The following SUPT3H variants were observed in gnomAD, a reference collection of about 807,000 sequenced individuals.
The protein encoded by SUPT3H is SPT3 homolog, SAGA and STAGA complex component.
SUPT3H carries 44 observed loss-of-function variants against 44.3 expected under a neutral mutation model. The observed-to-expected ratio is 0.99, with a 90% CI of 0.78 to 1.28. SUPT3H has a LOEUF of 1.28. Among genes scored for constraint, SUPT3H ranks in the 50% most tolerant of loss-of-function variants. SUPT3H has a pLI of 0.00. For synonymous variants in SUPT3H, 124 were observed against 125.6 expected, an observed-to-expected ratio of 0.99 and a Z score of 0.09; for missense variants, 380 against 387.1, an observed-to-expected ratio of 0.98 and a Z score of 0.15.
intron 2 of SUPT3H, among the ~76,000 whole-genome samples, chr6:45,230,229 T>C (rs78062048): frequency 0.015 from 2,272 of 152,294 alleles, 58 homozygotes; most frequent in African/African-American, 0.05. Context: ...GTTCTATCAA[T>C]GTCTGTTAAG....
chr6:45,295,333 A>G (rs921270753), intron 2 of SUPT3H, among the ~76,000 whole-genome samples: 1 of 152,126 alleles, frequency 6.6e-6, no homozygotes, highest in African/African-American at 2.4e-5. Context: ...TGTATACAAA[A>G]ATCAACTCAA....
At chr6:45,249,628 G>A (rs553438717) in intron 2 of SUPT3H, among the ~76,000 whole-genome samples, 10 of 152,210 alleles carry the variant, frequency 6.6e-5, no homozygotes, top group South Asian at 2.1e-4. Flanking sequence ...AGGGATCCAC[G>A]GTGGCACTGA....
Position 44,939,743 on chromosome 6 carries a change from G to C in SUPT3H, c.802-6980C>G, listed in dbSNP as rs538180683. Among the ~76,000 whole-genome samples the C allele has an allele frequency of 3.8e-4, 58 of 152,126 alleles. No homozygotes were observed. In the South Asian group the frequency reaches 4.4e-3, roughly 11 times the overall value. ...GATTCAATCTTGGTACTTGTTATTG[G>C]TCTATTCAGGATTTCTATTTCTTCT... On this transcript the variant is annotated intron_variant, in intron 9 of 10. Coordinates refer to ENST00000371459, the MANE Select transcript of SUPT3H (RefSeq NM_003599.4).
At chr6:45,045,579 C>A (rs2153532711) in intron 3 of SUPT3H, among the ~76,000 whole-genome samples, 1 of 152,288 alleles carries the variant, frequency 6.6e-6, no homozygotes, top group South Asian at 2.1e-4. Context: ...AATACAGAAT[C>A]ATGTCATCTG....
chr6:44,843,528 A>T (rs1212551422), intron 10 of SUPT3H, among the ~76,000 whole-genome samples: 1 of 152,194 alleles, frequency 6.6e-6, no homozygotes, highest in Non-Finnish European at 1.5e-5. Context: ...GGAACTAGAG[A>T]GTTTAGTAAG....
chr6:45,300,543 C>T (rs1263958958), intron 2 of SUPT3H, among the ~76,000 whole-genome samples: 1 of 152,106 alleles, frequency 6.6e-6, no homozygotes, highest in East Asian at 1.9e-4. Context: ...GTTAAATTAC[C>T]ATATGATGAG....
At chr6:45,306,262 C>A (rs2149959012) in intron 2 of SUPT3H, among the ~76,000 whole-genome samples, 1 of 152,316 alleles carries the variant, frequency 6.6e-6, no homozygotes, top group East Asian at 1.9e-4. Context: ...CATGCTCAGC[C>A]ACAACTTCCC....
At chr6:44,900,836 C>G (rs534110755) in intron 10 of SUPT3H, among the ~76,000 whole-genome samples, 2 of 152,282 alleles carry the variant, frequency 1.3e-5, no homozygotes, top group East Asian at 3.9e-4. Context: ...TCCAGAGGAA[C>G]GATCAGGCAG....
At chr6:45,104,847 C>T (rs904060997) in intron 3 of SUPT3H, among the ~76,000 whole-genome samples, 1 of 151,904 alleles carries the variant, frequency 6.6e-6, no homozygotes, top group Non-Finnish European at 1.5e-5. Flanking sequence ...TGCAGCTCTC[C>T]TTAACTTATA....
chr6:44,969,372 G>A (rs59343078), intron 6 of SUPT3H, among the ~76,000 whole-genome samples: 3,642 of 152,006 alleles, frequency 0.024, 147 homozygotes, highest in African/African-American at 0.082. Context: ...TGAAATTATA[G>A]GTAACTTTAA....
intron 2 of SUPT3H, among the ~76,000 whole-genome samples, chr6:45,330,528 A>T (rs1787257528): frequency 6.6e-6 from 1 of 151,988 alleles, no homozygotes; most frequent in Non-Finnish European, 1.5e-5. Context: ...CAGGAACAAC[A>T]CAAGTTTCAA....
intron 2 of SUPT3H, among the ~76,000 whole-genome samples, chr6:45,122,449 G>C (rs867875434): frequency 6.6e-6 from 1 of 151,972 alleles, no homozygotes; most frequent in Non-Finnish European, 1.5e-5. Flanking sequence ...AAGAAAAAAG[G>C]TTTTTAAATA....
chr6:45,267,631 T>C (rs1274456796), intron 2 of SUPT3H, among the ~76,000 whole-genome samples: 1 of 152,214 alleles, frequency 6.6e-6, no homozygotes, highest in Non-Finnish European at 1.5e-5. Flanking sequence ...TACGATAGAT[T>C]ACAATATACA....
intron 2 of SUPT3H, chr6:45,322,002 C>T (rs770017925): frequency 6.3e-4 from 404 of 638,646 alleles, no homozygotes; most frequent in Non-Finnish European, 8.3e-5. Flanking sequence ...TCCCAGTTCC[C>T]AAGAAGTTTT....
At chr6:44,869,745 C>T (rs1336362317) in intron 10 of SUPT3H, among the ~76,000 whole-genome samples, 1 of 152,136 alleles carries the variant, frequency 6.6e-6, no homozygotes, top group Non-Finnish European at 1.5e-5. Flanking sequence ...ATCTCATAAC[C>T]ACTAGTTAGG....
At chr6:45,042,083 T>C (rs1263690544) in intron 3 of SUPT3H, among the ~76,000 whole-genome samples, 1 of 152,212 alleles carries the variant, frequency 6.6e-6, no homozygotes, top group Non-Finnish European at 1.5e-5. Context: ...TTGAATTTAA[T>C]ATTATGAAAG....
chr6:45,071,407 C>T (rs956194303), intron 3 of SUPT3H, among the ~76,000 whole-genome samples: 50 of 151,888 alleles, frequency 3.3e-4, no homozygotes, highest in African/African-American at 1.2e-3. Flanking sequence ...TTTTTTGCCC[C>T]ATGATATCCA....
chr6:44,825,703 C>T (rs1441883726), downstream of SUPT3H, among the ~76,000 whole-genome samples: 1 of 151,924 alleles, frequency 6.6e-6, no homozygotes, highest in Non-Finnish European at 1.5e-5. Flanking sequence ...AATGCTGACA[C>T]AATACATCAT....
intron 10 of SUPT3H, among the ~76,000 whole-genome samples, chr6:44,927,830 G>A (rs372429582): frequency 2.0e-5 from 3 of 151,722 alleles, no homozygotes; most frequent in Non-Finnish European, 2.9e-5. Context: ...GTTTTTTTCC[G>A]GGCTTATAGA....
Sources: gnomAD v4.1 joint callset for allele counts (sites outside exome capture counted in the v4.1 genomes callset) on GRCh38, gnomAD v4.1.1 for gene constraint, MANE v1.5 for transcripts, NCBI Gene and HGNC (gene_info 2026-07-23, HGNC 2026-07-21) for gene names.